LIMS1: variants seen among roughly 807,000 people sequenced by gnomAD.
LIMS1 encodes the protein LIM and senescent cell antigen-like-containing domain protein 1.
Under a neutral mutation model 44.1 loss-of-function variants are expected in LIMS1, and 18 were observed. That is an observed-to-expected ratio of 0.41 (90% CI 0.28 to 0.61). The LOEUF is 0.61. Ranked by LOEUF, LIMS1 falls within the 20% of genes least tolerant of loss-of-function variation. The pLI, the probability that LIMS1 is intolerant of heterozygous loss-of-function variation, is 0.32. For missense variants in LIMS1, 201 were observed against 422.0 expected (o/e 0.48, Z 4.59); for synonymous variants, 93 against 149.1 (o/e 0.62, Z 2.74).
At chr2:108,660,324 T>C in intron 2 of LIMS1, 1 of 466,940 alleles carries the variant, frequency 2.1e-6, no homozygotes, top group South Asian at 1.6e-5. Context: ...CTATGTTCTT[T>C]TCTAAATATT....
chr2:108,545,997 A>G (rs1038297230), intron 1 of LIMS1, among the ~76,000 whole-genome samples: 1 of 152,232 alleles, frequency 6.6e-6, no homozygotes, highest in Non-Finnish European at 1.5e-5. Flanking sequence ...TAGTAATCTG[A>G]TGATACAATC....
At chr2:108,656,318 T>TAGATAGATAG (rs1558831239) in intron 1 of LIMS1, among the ~76,000 whole-genome samples, 78 of 84,304 alleles carry the variant, frequency 9.3e-4, no homozygotes, top group South Asian at 3.0e-3. Flanking sequence ...TCTATCTATC[T>TAGATAGATAG]ATAGATAGAT....
chr2:108,605,712 T>C (rs1687237036), intron 1 of LIMS1, among the ~76,000 whole-genome samples: 1 of 152,192 alleles, frequency 6.6e-6, no homozygotes. Context: ...TCTTCATCCT[T>C]ATAACCAAGT....
At chr2:108,657,673 T>C (rs200693576) in intron 1 of LIMS1, among the ~76,000 whole-genome samples, 1 of 152,308 alleles carries the variant, frequency 6.6e-6, no homozygotes, top group East Asian at 1.9e-4. Flanking sequence ...TGGAAATTCA[T>C]TTTAACATGA....
At chr2:108,681,253 A>G in intron 9 of LIMS1, 6 of 1,243,378 alleles carry the variant, frequency 4.8e-6, no homozygotes, top group Non-Finnish European at 6.0e-6. Flanking sequence ...GTCATCAGAG[A>G]TTGAAATACA....
intron 1 of LIMS1, among the ~76,000 whole-genome samples, chr2:108,557,312 A>G (rs1684958888): frequency 6.6e-6 from 1 of 152,060 alleles, no homozygotes; most frequent in Non-Finnish European, 1.5e-5. Flanking sequence ...CCTGGGCTCA[A>G]GTGTTGCTCC....
intron 1 of LIMS1, among the ~76,000 whole-genome samples, chr2:108,608,081 G>C (rs1687371858): frequency 6.6e-6 from 1 of 152,170 alleles, no homozygotes; most frequent in Non-Finnish European, 1.5e-5. Context: ...ACCTTACAGA[G>C]TTGAGGTCTC....
Position 108,642,549 on chromosome 2 carries a change from C to T in LIMS1, c.33-17056C>T, listed in dbSNP as rs545555538. ...TAATTTTTTGTATTTTTCGTAGAGA[C>T]GGGGTTTCACCGTGTTAGCCAGGAT... On this transcript the variant is annotated intron_variant, in intron 1 of 9. Coordinates refer to ENST00000544547, the Ensembl canonical transcript of LIMS1. Among the ~76,000 whole-genome samples, 96 of 151,806 alleles carry T rather than the reference C, an allele frequency of 6.3e-4. 2 individuals carry two copies. The South Asian group carries it at 0.013, about 20-fold the overall frequency.
intron 1 of LIMS1, among the ~76,000 whole-genome samples, chr2:108,613,903 C>T (rs1573451286): frequency 1.3e-5 from 2 of 152,008 alleles, no homozygotes; most frequent in African/African-American, 2.4e-5. Flanking sequence ...TCCCTGCTGT[C>T]AGCATCCACT....
chr2:108,647,176 A>G (rs191814530), intron 1 of LIMS1, among the ~76,000 whole-genome samples: 1 of 152,378 alleles, frequency 6.6e-6, no homozygotes, highest in Admixed American at 6.5e-5. Flanking sequence ...ATCAGCGAAT[A>G]CTGTAAACAC....
At chr2:108,663,761 T>A (rs1209581889) in intron 2 of LIMS1, among the ~76,000 whole-genome samples, 4 of 151,864 alleles carry the variant, frequency 2.6e-5, no homozygotes, top group East Asian at 1.9e-4. Context: ...ATTTTTATTT[T>A]TATTTTTTTT....
chr2:108,553,578 C>T (rs1465502728), intron 1 of LIMS1, among the ~76,000 whole-genome samples: 3 of 152,174 alleles, frequency 2.0e-5, no homozygotes, highest in East Asian at 1.9e-4. Flanking sequence ...CATTGACATT[C>T]CTATTTTGTG....
chr2:108,588,679 T>TA, intron 1 of LIMS1: 1 of 861,574 alleles, frequency 1.2e-6, no homozygotes, highest in Non-Finnish European at 1.4e-6. Context: ...CTTTCTCAGT[T>TA]ATTTAAGAAG....
Position 108,635,429 on chromosome 2 carries a change from TAAAAA to T in LIMS1, c.33-24159_33-24155del, listed in dbSNP as rs70956264. Among the ~76,000 whole-genome samples the T allele has an allele frequency of 2.3e-3, 202 of 86,698 alleles. 3 individuals are homozygous for T. Among genetic ancestry groups the T allele is most frequent in the African/African-American group, 9.3e-3 (190 of 20,334 alleles). The allele number at this position is 86,698 out of a possible 152,430, so 56.9% of individuals were successfully genotyped here. On this transcript the variant is annotated intron_variant, in intron 1 of 9. Coordinates refer to ENST00000544547, the Ensembl canonical transcript of LIMS1. The stretch of plus-strand genomic sequence containing the variant: ...GGGGGAAAGAGCAAGACTTCATCTC[TAAAAA>T]AAAAAAAAAAAAAAAAGAATGGTTG...
chr2:108,535,780 A>T (rs1277366475), intron 1 of LIMS1, among the ~76,000 whole-genome samples: 1 of 152,178 alleles, frequency 6.6e-6, no homozygotes, highest in African/African-American at 2.4e-5. Context: ...CCTCAAAGTG[A>T]CAGACTCACT....
intron 1 of LIMS1, among the ~76,000 whole-genome samples, chr2:108,576,561 T>C (rs10193908): frequency 0.46 from 69,633 of 151,882 alleles, 17,127 homozygotes; most frequent in East Asian, 0.96. Flanking sequence ...CCACCACACC[T>C]GGCTAATTTT....
intron 1 of LIMS1, among the ~76,000 whole-genome samples, chr2:108,548,289 G>GTT (rs57214419): frequency 6.8e-6 from 1 of 146,828 alleles, no homozygotes; most frequent in South Asian, 2.1e-4. Flanking sequence ...TTTGGGTTTT[G>GTT]TTTTTTTTTT....
intron 1 of LIMS1, among the ~76,000 whole-genome samples, chr2:108,603,982 C>T (rs904185945): frequency 1.5e-4 from 23 of 151,928 alleles, no homozygotes; most frequent in African/African-American, 5.3e-4. Flanking sequence ...TATAAACCTC[C>T]CTATTAGTAC....
chr2:108,578,659 T>C (rs1685766604), intron 1 of LIMS1, among the ~76,000 whole-genome samples: 1 of 143,266 alleles, frequency 7.0e-6, no homozygotes, highest in Non-Finnish European at 1.5e-5. Flanking sequence ...AGTGGCACGA[T>C]CTCAGCTCAC....
Sources: allele counts gnomAD v4.1 joint callset (sites outside exome capture counted in the v4.1 genomes callset), GRCh38; gene constraint gnomAD v4.1.1; transcripts MANE v1.5; gene names NCBI Gene and HGNC (gene_info 2026-07-23, HGNC 2026-07-21).